Variants in KIAA1328 observed in about 807,000 individuals in gnomAD.
The protein encoded by KIAA1328 is protein hinderin.
Under a neutral mutation model 68.1 loss-of-function variants are expected in KIAA1328, and 52 were observed. That is an observed-to-expected ratio of 0.76 (90% CI 0.61 to 0.96). The LOEUF (loss-of-function observed/expected upper bound fraction) is 0.96, where lower values mean the gene tolerates loss of function less well. Ranked by LOEUF, KIAA1328 falls within the 40% of genes least tolerant of loss-of-function variation. The probability of loss-of-function intolerance (pLI) is 0.00; values close to 1 mark genes in which losing one functional copy is unlikely to be tolerated. For missense variants in KIAA1328, 641 were observed against 677.6 expected (o/e 0.95, Z 0.60); for synonymous variants, 232 against 239.4 (o/e 0.97, Z 0.28).
In KIAA1328 at chr18:37,074,787, A is replaced by G. The variant is rs187529208; in HGVS notation, c.1232+7242A>G. The G allele has an allele frequency of 2.5e-3, 398 of 159,462 alleles. 4 individuals are homozygous for G. Among genetic ancestry groups the G allele is most frequent in the Admixed American group, 0.015 (235 of 15,452 alleles). The allele number at this position is 159,462 out of a possible 1,614,324, so 9.9% of individuals were successfully genotyped here. A position where few individuals can be genotyped will look rare whatever the true frequency, so the allele number is the denominator to read the frequency against. Reference sequence around the variant, plus strand: ...TTTGATCATCTGAATCCTTCTCTCAACTCGTCAAAGTCATTCTCTGTCCAG... The same window carrying G: ...TTTGATCATCTGAATCCTTCTCTCAGCTCGTCAAAGTCATTCTCTGTCCAG... On this transcript the variant is annotated intron_variant, in intron 7 of 9. Coordinates refer to ENST00000280020, the MANE Select transcript of KIAA1328 (RefSeq NM_020776.3).
At chr18:36,953,089 T>C (rs2051230408) in intron 5 of KIAA1328, among the ~76,000 whole-genome samples, 1 of 151,698 alleles carries the variant, frequency 6.6e-6, no homozygotes, top group African/African-American at 2.4e-5. Flanking sequence ...AAACACTGTG[T>C]ACCTTCTACC....
intron 6 of KIAA1328, among the ~76,000 whole-genome samples, chr18:36,984,716 G>T (rs1049156591): frequency 6.6e-6 from 1 of 151,884 alleles, no homozygotes; most frequent in Non-Finnish European, 1.5e-5. Context: ...GGCCATCCTG[G>T]CCAACATGGT....
chr18:37,151,550 A>G (rs1228480653), intron 7 of KIAA1328, among the ~76,000 whole-genome samples: 1 of 152,188 alleles, frequency 6.6e-6, no homozygotes, highest in Non-Finnish European at 1.5e-5. Context: ...TATGTAATCA[A>G]TACAGGTTGG....
chr18:37,077,029 C>T (rs1346742664), intron 7 of KIAA1328, among the ~76,000 whole-genome samples: 1 of 151,784 alleles, frequency 6.6e-6, no homozygotes, highest in African/African-American at 2.4e-5. Context: ...GAGACACAAC[C>T]AAAAAAGAGA....
At chr18:36,896,781 G>T (rs1489334536) in intron 5 of KIAA1328, among the ~76,000 whole-genome samples, 1 of 152,048 alleles carries the variant, frequency 6.6e-6, no homozygotes, top group Admixed American at 6.6e-5. Flanking sequence ...TAGGATTATT[G>T]TTTAGCCTTT....
chr18:36,975,487 G>T (rs891111944), intron 6 of KIAA1328, among the ~76,000 whole-genome samples: 1 of 152,146 alleles, frequency 6.6e-6, no homozygotes, highest in African/African-American at 2.4e-5. Context: ...CGGCCTACAA[G>T]CTACAATTCT....
intron 5 of KIAA1328, among the ~76,000 whole-genome samples, chr18:36,904,884 G>C (rs551568728): frequency 6.6e-6 from 1 of 151,776 alleles, no homozygotes; most frequent in East Asian, 1.9e-4. Context: ...TCTGTATTTA[G>C]TGGTTGCTGT....
At chr18:37,159,914 T>G (rs1399459169) in intron 7 of KIAA1328, among the ~76,000 whole-genome samples, 1 of 152,216 alleles carries the variant, frequency 6.6e-6, no homozygotes, top group Admixed American at 6.5e-5. Flanking sequence ...GATAGCCTGG[T>G]TCTTAGTCAT....
intron 6 of KIAA1328, among the ~76,000 whole-genome samples, chr18:37,054,154 T>C (rs1465109491): frequency 6.6e-6 from 1 of 151,970 alleles, no homozygotes; most frequent in Non-Finnish European, 1.5e-5. Flanking sequence ...TAAAAAAATG[T>C]AAAACCCAGA....
intron 9 of KIAA1328, among the ~76,000 whole-genome samples, chr18:37,196,190 G>A (rs961057634): frequency 6.6e-6 from 1 of 152,092 alleles, no homozygotes; most frequent in African/African-American, 2.4e-5. Flanking sequence ...AGTTTTTGGT[G>A]ACGTCTCTGG....
At chr18:36,908,995 A>C (rs1219787875) in intron 5 of KIAA1328, among the ~76,000 whole-genome samples, 2 of 152,230 alleles carry the variant, frequency 1.3e-5, no homozygotes, top group South Asian at 4.1e-4. Flanking sequence ...TATGTGGTAC[A>C]TTTGGTCCCA....
At chr18:37,082,102 T>G (rs941977462) in intron 7 of KIAA1328, among the ~76,000 whole-genome samples, 33 of 151,756 alleles carry the variant, frequency 2.2e-4, no homozygotes, top group Non-Finnish European at 1.5e-4. Flanking sequence ...CTCACGCTTT[T>G]TATATATATA....
At chr18:37,135,923 T>TA (rs1158184026) in intron 7 of KIAA1328, among the ~76,000 whole-genome samples, 1 of 152,168 alleles carries the variant, frequency 6.6e-6, no homozygotes, top group African/African-American at 2.4e-5. Flanking sequence ...CTGTCCCTAT[T>TA]ACTCATTTTT....
chr18:36,933,971 C>A (rs1041056320), intron 5 of KIAA1328, among the ~76,000 whole-genome samples: 2 of 152,130 alleles, frequency 1.3e-5, no homozygotes, highest in African/African-American at 4.8e-5. Context: ...GCAGCTGCCC[C>A]GTGTGTAAAA....
intron 7 of KIAA1328, among the ~76,000 whole-genome samples, chr18:37,109,466 T>C (rs528885209): frequency 3.9e-5 from 6 of 152,312 alleles, no homozygotes; most frequent in African/African-American, 1.2e-4. Flanking sequence ...TCAATCATAT[T>C]TGTTATATTA....
chr18:36,954,249 G>A (rs967027193), intron 5 of KIAA1328, among the ~76,000 whole-genome samples: 14 of 151,988 alleles, frequency 9.2e-5, no homozygotes, highest in African/African-American at 2.9e-4. Context: ...TGATCCACCC[G>A]CCTCGGCCTC....
At chr18:37,074,575 T>C (rs1012703965) in intron 7 of KIAA1328, among the ~76,000 whole-genome samples, 5 of 152,236 alleles carry the variant, frequency 3.3e-5, no homozygotes, top group Non-Finnish European at 7.3e-5. Flanking sequence ...TTTCTTCCAG[T>C]TGATCGCATC....
chr18:37,092,023 G>A (rs1397656376), intron 7 of KIAA1328, among the ~76,000 whole-genome samples: 1 of 152,034 alleles, frequency 6.6e-6, no homozygotes, highest in African/African-American at 2.4e-5. Flanking sequence ...CCTTAGGCTA[G>A]GCCCATTCTA....
chr18:37,229,569 T>G, downstream of KIAA1328: 1 of 1,276,526 alleles, frequency 7.8e-7, no homozygotes, highest in South Asian at 1.3e-5. Context: ...CTATTTCTAG[T>G]CAATCTTCAA....
Sources: allele counts gnomAD v4.1 joint callset (sites outside exome capture counted in the v4.1 genomes callset), GRCh38; gene constraint gnomAD v4.1.1; transcripts MANE v1.5; gene names NCBI Gene and HGNC (gene_info 2026-07-23, HGNC 2026-07-21).